PLD1: variants seen among roughly 807,000 people sequenced by gnomAD.
PLD1 encodes the protein choline phosphatase 1.
A neutral mutation model predicts 137.1 loss-of-function variants in PLD1; 112 were observed. That is an observed-to-expected ratio of 0.82 (90% CI 0.70 to 0.96). The LOEUF (loss-of-function observed/expected upper bound fraction) is 0.96, where lower values mean the gene tolerates loss of function less well. PLD1 is among the 40% of genes least tolerant of loss of function. PLD1 has a pLI of 0.00. For synonymous variants in PLD1, 431 were observed against 454.7 expected (o/e 0.95, Z 0.66); for missense variants, 1,321 against 1,342.0 (o/e 0.98, Z 0.24).
intron 1 of PLD1, among the ~76,000 whole-genome samples, chr3:171,755,875 A>G (rs1720990417): frequency 6.6e-6 from 1 of 152,136 alleles, no homozygotes; most frequent in Admixed American, 6.5e-5. Context: ...GAGCATCTCA[A>G]TATGCTCAAA....
intron 23 of PLD1, among the ~76,000 whole-genome samples, chr3:171,627,247 T>C (rs1283130892): frequency 6.6e-6 from 1 of 151,732 alleles, no homozygotes; most frequent in Non-Finnish European, 1.5e-5. Flanking sequence ...CTAACAAAGA[T>C]CAAAAGAGAC....
intron 1 of PLD1, among the ~76,000 whole-genome samples, chr3:171,776,239 A>G (rs1307201332): frequency 1.3e-5 from 2 of 152,228 alleles, no homozygotes; most frequent in Admixed American, 1.3e-4. Context: ...ACCCCACTCT[A>G]TGGAGCTGTA....
intron 12 of PLD1, among the ~76,000 whole-genome samples, chr3:171,699,182 A>G (rs1380008130): frequency 6.6e-6 from 1 of 152,200 alleles, no homozygotes; most frequent in Non-Finnish European, 1.5e-5. Context: ...TTTACTTTTT[A>G]TACCTAAAAA....
rs532538112 is a variant in PLD1 at position 171,679,917 on chromosome 3, G to A, written c.1868-2223C>T. Among the ~76,000 whole-genome samples the A allele has an allele frequency of 1.4e-3, 208 of 152,298 alleles. 1 individual carries two copies. Among genetic ancestry groups the A allele is most frequent in the South Asian group, 9.1e-3 (44 of 4,826 alleles). ...AACAATGCTGATCCAAGGGGGTCTC[G>A]TTAGGCTGCTATCTGGCTCCCAAAT... On this transcript the variant is annotated intron_variant, in intron 16 of 26. Transcript: ENST00000351298.
intron 23 of PLD1, among the ~76,000 whole-genome samples, chr3:171,627,029 G>A (rs1474095365): frequency 6.6e-6 from 1 of 151,926 alleles, no homozygotes; most frequent in East Asian, 1.9e-4. Context: ...AAATGTAAAT[G>A]GACTAAATGC....
At chr3:171,708,678 C>T in intron 11 of PLD1, 77 bp downstream of exon 11, 1 of 790,660 alleles carries the variant, frequency 1.3e-6, no homozygotes, top group Non-Finnish European at 2.2e-6. Flanking sequence ...ATGTGTAATT[C>T]TTGAACAGCA....
At chr3:171,621,330 A>T (rs1733615329) in intron 23 of PLD1, among the ~76,000 whole-genome samples, 1 of 152,148 alleles carries the variant, frequency 6.6e-6, no homozygotes, top group South Asian at 2.1e-4. Flanking sequence ...TTTCTCCCAC[A>T]CAGCAGTTGT....
intron 15 of PLD1, 140 bp from the exon 16 acceptor site, chr3:171,686,938 T>C: frequency 7.5e-6 from 4 of 532,986 alleles, no homozygotes; most frequent in Non-Finnish European, 1.3e-5. Flanking sequence ...ATTGTAGGGC[T>C]TTAAGATGGA....
chr3:171,769,196 C>T (rs775144606), intron 1 of PLD1, among the ~76,000 whole-genome samples: 2 of 151,988 alleles, frequency 1.3e-5, no homozygotes, highest in African/African-American at 2.4e-5. Flanking sequence ...ATTTTTGTTT[C>T]GAATCTGTGG....
chr3:171,758,851 G>A lies in PLD1; in HGVS notation c.-31-20769C>T, dbSNP rs185576009. Among the ~76,000 whole-genome samples, 207 of 152,256 alleles carry A rather than the reference G, an allele frequency of 1.4e-3. 1 individual carries two copies. The highest frequency in any genetic ancestry group is 9.5e-3 in the South Asian group (46 of 4,822). ...AGAACTGGTGACAGAAGCAATAACT[G>A]AATCTATAGGGAGTGTATCTATCAT... On this transcript the variant is annotated intron_variant, in intron 1 of 26. Transcript: ENST00000351298.
At chr3:171,713,685 T>C (rs147121513) in intron 9 of PLD1, among the ~76,000 whole-genome samples, 7 of 152,332 alleles carry the variant, frequency 4.6e-5, no homozygotes, top group Non-Finnish European at 7.3e-5. Context: ...AACATCTACA[T>C]ATGGGATTGT....
At chr3:171,738,512 G>T (rs1157929836) in intron 1 of PLD1, among the ~76,000 whole-genome samples, 1 of 152,090 alleles carries the variant, frequency 6.6e-6, no homozygotes, top group African/African-American at 2.4e-5. Context: ...AGAAAATTTA[G>T]AGTATTTCAC....
rs752915170 is a variant in PLD1 at position 171,726,039 on chromosome 3, T to C, written c.644A>G (p.His215Arg). The C allele has an allele frequency of 8.7e-6, 14 of 1,612,540 alleles. No individual in the cohort carries two copies. Among genetic ancestry groups the C allele is most frequent in the Non-Finnish European group, 1.2e-5 (14 of 1,178,558 alleles). ...FLDISQLSFI[H>R]DLGPKGIEGM... ...TTACATGCCCTTTGGTCCCAAATCA[T>C]GGATGAAAGACAGCTGGCTTATATC... is the stretch of plus-strand genomic sequence containing the variant. The change falls in exon 7 of 27, where the codon CAT becomes CGT. Residue 215 changes from histidine (H) to arginine (R), a missense_variant. Coordinates refer to ENST00000351298, the MANE Select transcript of PLD1 (RefSeq NM_002662.5).
chr3:171,631,176 T>A (rs1734629752), intron 23 of PLD1, among the ~76,000 whole-genome samples: 1 of 152,044 alleles, frequency 6.6e-6, no homozygotes, highest in Non-Finnish European at 1.5e-5. Context: ...GACATTTGAG[T>A]GTATACCCTT....
chr3:171,797,614 C>T (rs1052432362), intron 1 of PLD1, among the ~76,000 whole-genome samples: 1 of 150,576 alleles, frequency 6.6e-6, no homozygotes, highest in Non-Finnish European at 1.5e-5. Context: ...CAGAGGCAAA[C>T]TTAGAAGGTT....
rs1372535375 is a variant in PLD1 at position 171,724,775 on chromosome 3, T to C, written c.679A>G (p.Met227Val). 9 of 1,603,066 alleles carry C rather than the reference T, an allele frequency of 5.6e-6. No individual in the cohort carries two copies. In the Middle Eastern group the frequency reaches 8.2e-4, roughly 147 times the overall value. ...LGPKGIEGMI[M>V]KRSGGHRIPG... ...ATTCTGTGTCCTCCAGATCTTTTCA[T>C]TATCATACCTTCTCTGAAAGAGACA... Residue 227 changes from methionine (M) to valine (V), a missense_variant, in exon 8 of 27, where the codon ATG (methionine) becomes GTG (valine). Transcript: ENST00000351298.
chr3:171,671,802 T>G (rs1349277439), intron 19 of PLD1, among the ~76,000 whole-genome samples: 1 of 152,120 alleles, frequency 6.6e-6, no homozygotes, highest in Non-Finnish European at 1.5e-5. Context: ...GAAATCTTTG[T>G]GGAATAGTTA....
chr3:171,770,674 G>T (rs1722283837), intron 1 of PLD1, among the ~76,000 whole-genome samples: 2 of 151,930 alleles, frequency 1.3e-5, no homozygotes, highest in South Asian at 2.1e-4. Flanking sequence ...TTGAGCCCTG[G>T]GGTTGGAGAC....
At chr3:171,712,820 G>A (rs920059861) in intron 9 of PLD1, among the ~76,000 whole-genome samples, 81 of 152,272 alleles carry the variant, frequency 5.3e-4, no homozygotes, top group African/African-American at 1.9e-3. Flanking sequence ...CAGGAATGCA[G>A]GAGGAAGGTG....
Sources: gnomAD v4.1 joint callset for allele counts (sites outside exome capture counted in the v4.1 genomes callset) on GRCh38, gnomAD v4.1.1 for gene constraint, MANE v1.5 for transcripts, NCBI Gene and HGNC (gene_info 2026-07-23, HGNC 2026-07-21) for gene names.